The following SYNJ2 variants were observed in gnomAD, a reference collection of about 807,000 sequenced individuals.
SYNJ2 encodes the protein synaptojanin 2.
SYNJ2 carries 116 observed loss-of-function variants against 141.3 expected under a neutral mutation model. That is an observed-to-expected ratio of 0.82 (90% confidence interval 0.71 to 0.96). SYNJ2 has a LOEUF of 0.96. SYNJ2 is among the 40% of genes least tolerant of loss of function. The probability of loss-of-function intolerance (pLI) is 0.00; values close to 1 mark genes in which losing one functional copy is unlikely to be tolerated. For missense variants in SYNJ2, 1,873 were observed against 1,934.8 expected (o/e 0.97, Z 0.60); for synonymous variants, 745 against 777.7 (o/e 0.96, Z 0.70).
intron 20 of SYNJ2, among the ~76,000 whole-genome samples, chr6:158,082,119 G>A (rs960379268): frequency 1.3e-5 from 2 of 152,108 alleles, no homozygotes; most frequent in Non-Finnish European, 2.9e-5. Context: ...GGCCAAGGTG[G>A]GTAGATCACC....
intron 4 of SYNJ2, among the ~76,000 whole-genome samples, chr6:158,036,956 A>G (rs923748230): frequency 6.6e-6 from 1 of 152,156 alleles, no homozygotes; most frequent in Non-Finnish European, 1.5e-5. Context: ...TTGGATTTCA[A>G]CCAGAATTTT....
At chr6:158,013,308 G>T (rs576686175) in intron 1 of SYNJ2, among the ~76,000 whole-genome samples, 1 of 152,264 alleles carries the variant, frequency 6.6e-6, no homozygotes, top group East Asian at 1.9e-4. Flanking sequence ...TTGAACCCAG[G>T]AGGTGGAGGT....
At chr6:158,083,684 G>A in intron 21 of SYNJ2, 87 bp downstream of exon 21, 1 of 1,555,944 alleles carries the variant, frequency 6.4e-7, no homozygotes, top group East Asian at 2.2e-5. Flanking sequence ...AGCCTCCCTT[G>A]CAGAAGTGAC....
intron 13 of SYNJ2, among the ~76,000 whole-genome samples, chr6:158,068,982 G>A (rs1046736584): frequency 2.0e-5 from 3 of 152,146 alleles, no homozygotes; most frequent in Non-Finnish European, 2.9e-5. Flanking sequence ...CTCTGGCCTC[G>A]GCCACTTGTT....
Position 158,078,215 on chromosome 6 carries a change from G to T in SYNJ2, c.2501G>T (p.Arg834Ile). The T allele has an allele frequency of 6.2e-6, 10 of 1,614,090 alleles. No individual in the cohort carries two copies. Among genetic ancestry groups the T allele is most frequent in the Non-Finnish European group, 8.5e-6 (10 of 1,179,996 alleles). The change falls in exon 18 of 27, where the codon AGA becomes ATA. Residue 834 changes from arginine (R) to isoleucine (I), a missense_variant. Transcript: ENST00000355585. ...DSDLDVDTKV[R>I]HTWSPGALQY... Reference sequence around the variant, plus strand: ...GATCTAGATGTTGACACCAAAGTCAGACACACCTGGTCTCCTGGTGCCCTG... The same window carrying T: ...GATCTAGATGTTGACACCAAAGTCATACACACCTGGTCTCCTGGTGCCCTG...
At chr6:158,011,921 G>A (rs184451493) in intron 1 of SYNJ2, among the ~76,000 whole-genome samples, 2 of 152,234 alleles carry the variant, frequency 1.3e-5, no homozygotes, top group Admixed American at 6.5e-5. Flanking sequence ...TTTTGGTGTC[G>A]GAATTATTTT....
chr6:157,982,121 G>A lies in SYNJ2; in HGVS notation c.127+33G>A, dbSNP rs922838952. 2 of 1,290,014 alleles carry A rather than the reference G, an allele frequency of 1.6e-6. No homozygotes were observed. Among genetic ancestry groups the A allele is most frequent in the East Asian group, 3.1e-5 (1 of 31,798 alleles). The allele number at this position is 1,290,014 out of a possible 1,614,324, so 79.9% of individuals were successfully genotyped here. A position where few individuals can be genotyped will look rare whatever the true frequency, so the allele number is the denominator to read the frequency against. On this transcript the variant is annotated intron_variant, in intron 1 of 26. Coordinates refer to ENST00000355585, the MANE Select transcript of SYNJ2 (RefSeq NM_003898.4). This position sits in a 1 kb window ranked among gnomAD's most constrained non-coding sequence, Gnocchi z 4.0. Reference sequence around the variant, plus strand: ...CGGGCCGGGGGCAGCGACGCCCGGAGGAGAGGGCGCCCGCATTCGCCCAGC... The same window carrying A: ...CGGGCCGGGGGCAGCGACGCCCGGAAGAGAGGGCGCCCGCATTCGCCCAGC...
chr6:158,066,828 G>T, intron 12 of SYNJ2, 193 bp downstream of exon 12: 1 of 651,182 alleles, frequency 1.5e-6, no homozygotes, highest in Admixed American at 2.7e-5. Context: ...TCCTTTCCCA[G>T]ATGTTTAGAA....
chr6:158,025,308 G>A (rs1446681180), intron 2 of SYNJ2, among the ~76,000 whole-genome samples: 5 of 152,074 alleles, frequency 3.3e-5, no homozygotes, highest in Non-Finnish European at 7.4e-5. Context: ...TTGGGTGTTC[G>A]TACTTCAGCA....
At chr6:157,988,686 G>A (rs1562307575) in intron 1 of SYNJ2, among the ~76,000 whole-genome samples, 1 of 152,190 alleles carries the variant, frequency 6.6e-6, no homozygotes, top group Non-Finnish European at 1.5e-5. Flanking sequence ...CACTTGAATT[G>A]TCCTTAAAGC....
intron 1 of SYNJ2, among the ~76,000 whole-genome samples, chr6:158,006,824 C>T (rs1231498589): frequency 6.6e-6 from 1 of 152,124 alleles, no homozygotes; most frequent in Non-Finnish European, 1.5e-5. Context: ...AGGCGCATGC[C>T]ACCACACCCA....
intron 1 of SYNJ2, 54 bp from the exon 2 acceptor site, chr6:158,017,150 A>T: frequency 6.3e-7 from 1 of 1,583,784 alleles, no homozygotes; most frequent in Non-Finnish European, 8.6e-7. Context: ...GTGAATGAAC[A>T]GGAATGAGCA....
Position 158,095,666 on chromosome 6 carries a change from A to T in SYNJ2, c.3793A>T (p.Ile1265Phe). The stretch of plus-strand genomic sequence containing the variant: ...TGAGCAACAGACTGTCCATTTTACA[A>T]TCGGGCCCCCGGAGACAAGCGTTGA... ...QFEQQTVHFT[I>F]GPPETSVEAP... The change falls in exon 27 of 27, where the codon ATC becomes TTC. Residue 1265 changes from isoleucine (I) to phenylalanine (F), a missense_variant. By Grantham distance (21) the Ile-to-Phe change is conservative. Coordinates refer to ENST00000355585, the MANE Select transcript of SYNJ2 (RefSeq NM_003898.4). 6.2e-7 allele frequency: 1 copy of T among 1,612,726 alleles called. No homozygotes were observed. The highest frequency in any genetic ancestry group is 8.5e-7 in the Non-Finnish European group (1 of 1,179,508).
rs567039736 is a variant in SYNJ2 at position 158,084,308 on chromosome 6, G to A, written c.3208+134G>A. On this transcript the variant is annotated intron_variant, in intron 22 of 26. Coordinates refer to ENST00000355585, the MANE Select transcript of SYNJ2 (RefSeq NM_003898.4). This position sits in a 1 kb window ranked among gnomAD's most constrained non-coding sequence, Gnocchi z 5.0. ...CCCAGGAGAGACCTCAACCAGGCAG[G>A]CCAAGCGAGGGGTAGGGACTGAGCC... 3.1e-6 allele frequency: 3 copies of A among 982,540 alleles called. No homozygotes were observed. Among genetic ancestry groups the A allele is most frequent in the South Asian group, 1.7e-5 (1 of 60,570 alleles). The allele number at this position is 982,540 out of a possible 1,614,324, so 60.9% of individuals were successfully genotyped here. A position where few individuals can be genotyped will look rare whatever the true frequency, so the allele number is the denominator to read the frequency against.
chr6:158,081,572 A>G (rs1782683941), intron 20 of SYNJ2, 62 bp downstream of exon 20: 1 of 988,152 alleles, frequency 1.0e-6, no homozygotes, highest in Non-Finnish European at 1.5e-6. Flanking sequence ...TTATGTGGGC[A>G]TGTCTTCTTC....
Position 158,028,842 on chromosome 6 carries a change from G to A in SYNJ2, c.301G>A (p.Ala101Thr). The change falls in exon 3 of 27, where the codon GCC becomes ACC. Residue 101 changes from alanine (A) to threonine (T), a missense_variant. Ala to Thr is a moderately conservative substitution (Grantham distance 58). Coordinates refer to ENST00000355585, the MANE Select transcript of SYNJ2 (RefSeq NM_003898.4). ...IPDAEIYKIT[A>T]TDFYPLQEEA... ...AGATGCTGAAATCTACAAAATCACT[G>A]CCACTGACTTTTACCCTCTTCAGGA... The A allele has an allele frequency of 6.2e-7, 1 of 1,614,168 alleles. No individual in the cohort carries two copies. The highest frequency in any genetic ancestry group is 8.5e-7 in the Non-Finnish European group (1 of 1,180,030).
chr6:158,087,706 A>G (rs1783148687), intron 23 of SYNJ2, among the ~76,000 whole-genome samples: 1 of 152,226 alleles, frequency 6.6e-6, no homozygotes, highest in Non-Finnish European at 1.5e-5. Context: ...ACAAGCCCAG[A>G]TATAAAAATA....
intron 23 of SYNJ2, among the ~76,000 whole-genome samples, chr6:158,087,472 A>G (rs973707101): frequency 2.6e-5 from 4 of 152,204 alleles, no homozygotes; most frequent in African/African-American, 9.7e-5. Context: ...TCCTGGGTCT[A>G]GGAGCATTTT....
chr6:158,081,199 C>T lies in SYNJ2; in HGVS notation c.2658C>T (p.Gly886=). The part of the protein sequence containing the change: ...RVFQEVSSFQ[G]PLDATVVVNL... ...TCCAGGAAGTGTCCTCCTTCCAGGG[C>T]CCCCTGGATGCCACTGTTGTAGTAA... Residue 886 remains glycine (G), a synonymous_variant, in exon 19 of 27, where the codon GGC becomes GGT. Transcript: ENST00000355585. The T allele has an allele frequency of 6.2e-7, 1 of 1,613,964 alleles. No individual in the cohort carries two copies. The highest frequency in any genetic ancestry group is 8.5e-7 in the Non-Finnish European group (1 of 1,179,866).
Sources: allele counts gnomAD v4.1 joint callset (sites outside exome capture counted in the v4.1 genomes callset), GRCh38; gene constraint gnomAD v4.1.1; non-coding constraint Gnocchi (gnomAD v3.1); transcripts MANE v1.5; gene names NCBI Gene and HGNC (gene_info 2026-07-23, HGNC 2026-07-21).